Variants in ERC1 observed in about 807,000 individuals in gnomAD.
The protein encoded by ERC1 is RAB6 interacting protein 2.
A neutral mutation model predicts 132.0 loss-of-function variants in ERC1; 56 were observed. The observed-to-expected ratio is 0.42, with a 90% CI of 0.34 to 0.53. The LOEUF (loss-of-function observed/expected upper bound fraction) is 0.53, where lower values mean the gene tolerates loss of function less well. ERC1 is among the 20% of genes least tolerant of loss of function. The pLI is 0.03. For synonymous variants in ERC1, 478 were observed against 476.1 expected (o/e 1.00, Z -0.05); for missense variants, 1,202 against 1,349.9 (o/e 0.89, Z 1.72).
At chr12:1,000,933 T>G (rs555179947) in intron 1 of ERC1, among the ~76,000 whole-genome samples, 21 of 152,196 alleles carry the variant, frequency 1.4e-4, no homozygotes, top group Non-Finnish European at 2.4e-4. Flanking sequence ...TTGTTTGTTT[T>G]TTTGAGATGG....
chr12:992,805 A>G (rs1016705206), intron 1 of ERC1, among the ~76,000 whole-genome samples: 3 of 152,248 alleles, frequency 2.0e-5, no homozygotes, highest in East Asian at 3.8e-4. Flanking sequence ...AACAGGTCCC[A>G]TGATGGACAT....
intron 17 of ERC1, among the ~76,000 whole-genome samples, chr12:1,438,866 C>T (rs1329800972): frequency 6.6e-6 from 1 of 151,866 alleles, no homozygotes; most frequent in Non-Finnish European, 1.5e-5. Context: ...TCGCTGAGCC[C>T]AGGTGGCTGA....
intron 18 of ERC1, among the ~76,000 whole-genome samples, chr12:1,456,875 A>G (rs959203112): frequency 3.9e-5 from 6 of 152,126 alleles, no homozygotes; most frequent in Non-Finnish European, 8.8e-5. Context: ...CCATAATTCT[A>G]ATAATCTAGA....
intron 17 of ERC1, 114 bp from the exon 18 acceptor site, chr12:1,444,448 T>G: frequency 1.4e-6 from 1 of 691,932 alleles, no homozygotes; most frequent in Non-Finnish European, 2.3e-6. Context: ...AGAGCTTTAG[T>G]CTTTGGTCAA....
At chr12:1,418,663 T>G (rs1284755394) in intron 17 of ERC1, among the ~76,000 whole-genome samples, 3 of 116,684 alleles carry the variant, frequency 2.6e-5, no homozygotes, top group African/African-American at 9.1e-5. Flanking sequence ...CTCTCTCTCT[T>G]TCTTTTCTTT....
At chr12:1,434,732 G>A (rs554778448) in intron 17 of ERC1, among the ~76,000 whole-genome samples, 10 of 152,214 alleles carry the variant, frequency 6.6e-5, no homozygotes, top group Non-Finnish European at 1.0e-4. Flanking sequence ...TCGTCTGACT[G>A]GAGATCCTTA....
chr12:1,172,586 A>G (rs776089548), intron 8 of ERC1, among the ~76,000 whole-genome samples: 2 of 152,166 alleles, frequency 1.3e-5, no homozygotes, highest in African/African-American at 4.8e-5. Flanking sequence ...ATTATCATTG[A>G]CGGCACAGAT....
At chr12:1,400,841 T>A (rs909493582) in intron 16 of ERC1, among the ~76,000 whole-genome samples, 2 of 151,542 alleles carry the variant, frequency 1.3e-5, no homozygotes, top group African/African-American at 4.8e-5. Context: ...CTATTTACTG[T>A]AGGATCTGAA....
intron 16 of ERC1, chr12:1,381,007 G>A (rs1484987191): frequency 6.6e-6 from 1 of 152,238 alleles, no homozygotes; most frequent in African/African-American, 2.4e-5. Flanking sequence ...GCCTCAGAGA[G>A]CATTTATGTA....
At chr12:1,056,341 G>A (rs1972957716) in intron 2 of ERC1, among the ~76,000 whole-genome samples, 1 of 152,044 alleles carries the variant, frequency 6.6e-6, no homozygotes, top group Admixed American at 6.6e-5. Context: ...TTGTCTCACG[G>A]CCATGGAAAA....
At chr12:1,200,651 C>T (rs1390412373) in intron 12 of ERC1, among the ~76,000 whole-genome samples, 4 of 152,008 alleles carry the variant, frequency 2.6e-5, no homozygotes, top group African/African-American at 4.8e-5. Flanking sequence ...CTCCGCCTCC[C>T]GGGTTCACAC....
chr12:1,272,416 A>T (rs534855483), intron 14 of ERC1, among the ~76,000 whole-genome samples: 3 of 152,200 alleles, frequency 2.0e-5, no homozygotes, highest in Admixed American at 6.5e-5. Flanking sequence ...TCTAATTTAC[A>T]TATGTCAAGT....
At chr12:1,005,825 A>G (rs1420852916) in intron 1 of ERC1, among the ~76,000 whole-genome samples, 1 of 152,184 alleles carries the variant, frequency 6.6e-6, no homozygotes, top group Admixed American at 6.5e-5. Context: ...ATATACATGT[A>G]TATTTTAAAT....
At chr12:1,363,456 G>T (rs1277766643) in intron 15 of ERC1, among the ~76,000 whole-genome samples, 3 of 150,206 alleles carry the variant, frequency 2.0e-5, no homozygotes, top group African/African-American at 7.3e-5. Flanking sequence ...TGTTAATTTT[G>T]ATCTTTTTCA....
intron 8 of ERC1, among the ~76,000 whole-genome samples, chr12:1,165,750 T>TA (rs773042966): frequency 1.3e-5 from 2 of 152,236 alleles, no homozygotes; most frequent in African/African-American, 2.4e-5. Context: ...CGTTGATGGA[T>TA]ATTGCTTTGA....
At position 1,142,668 on chromosome 12, in the gene ERC1, C is replaced by T. The variant is rs370097823; in HGVS notation, c.1737+881C>T. 2.6e-5 allele frequency among the ~76,000 whole-genome samples: 4 copies of T among 152,318 alleles called. No homozygotes were observed. The South Asian group carries it at 8.3e-4, about 32-fold the overall frequency. On this transcript the variant is annotated intron_variant, in intron 8 of 18. Coordinates refer to ENST00000360905, the MANE Select transcript of ERC1 (RefSeq NM_178040.4). ...GTTAATAGGCTTTTTCACTTTTTGGCAATCTGATAGGTGAGCAAACAATGT... is the reference window on the plus strand; with the variant it reads ...GTTAATAGGCTTTTTCACTTTTTGGTAATCTGATAGGTGAGCAAACAATGT...
intron 1 of ERC1, among the ~76,000 whole-genome samples, chr12:1,001,975 C>T (rs866091854): frequency 9.9e-5 from 15 of 150,986 alleles, no homozygotes; most frequent in African/African-American, 3.6e-4. Flanking sequence ...ATTCTCCTGC[C>T]CCAGCCTCCC....
At chr12:1,011,498 G>C (rs1565779000) in intron 1 of ERC1, among the ~76,000 whole-genome samples, 1 of 152,112 alleles carries the variant, frequency 6.6e-6, no homozygotes, top group South Asian at 2.1e-4. Flanking sequence ...GAGCCACCTT[G>C]TTTGGCCAAC....
chr12:1,223,584 G>A (rs2074334225), intron 12 of ERC1, among the ~76,000 whole-genome samples: 1 of 152,152 alleles, frequency 6.6e-6, no homozygotes, highest in Non-Finnish European at 1.5e-5. Context: ...AACTTCTGGT[G>A]GCAGAGACAA....
Sources: allele counts gnomAD v4.1 joint callset (sites outside exome capture counted in the v4.1 genomes callset), GRCh38; gene constraint gnomAD v4.1.1; transcripts MANE v1.5; gene names NCBI Gene and HGNC (gene_info 2026-07-23, HGNC 2026-07-21).